The following ARHGAP24 variants were observed in gnomAD, a reference collection of about 807,000 sequenced individuals.
ARHGAP24 encodes the protein rho GTPase-activating protein 24.
ARHGAP24 carries 50 observed loss-of-function variants against 76.4 expected under a neutral mutation model. That is an observed-to-expected ratio of 0.65 (90% CI 0.52 to 0.83). The LOEUF is 0.83. Among genes scored for constraint, ARHGAP24 ranks in the 40% least tolerant of loss-of-function variants. ARHGAP24 has a pLI of 0.00. For synonymous variants in ARHGAP24, 345 were observed against 323.3 expected, an observed-to-expected ratio of 1.07 and a Z score of -0.72; for missense variants, 930 against 914.2, an observed-to-expected ratio of 1.02 and a Z score of -0.22.
chr4:85,627,779 G>A (rs1435569624), intron 2 of ARHGAP24, among the ~76,000 whole-genome samples: 1 of 152,234 alleles, frequency 6.6e-6, no homozygotes, highest in Non-Finnish European at 1.5e-5. Flanking sequence ...GGCCATGGCA[G>A]GTGCCCTTTC....
At chr4:85,924,872 T>C (rs1445186908) in intron 4 of ARHGAP24, 1 of 152,240 alleles carries the variant, frequency 6.6e-6, no homozygotes. Context: ...CTAACCAGGA[T>C]GACCATTCAT....
At chr4:85,755,713 A>G (rs1726466373) in intron 3 of ARHGAP24, among the ~76,000 whole-genome samples, 1 of 142,166 alleles carries the variant, frequency 7.0e-6, no homozygotes, top group African/African-American at 2.6e-5. Flanking sequence ...GCTCACTACA[A>G]CCTCTGCCTC....
At chr4:85,880,956 T>C (rs2148768193) in intron 3 of ARHGAP24, among the ~76,000 whole-genome samples, 1 of 152,304 alleles carries the variant, frequency 6.6e-6, no homozygotes, top group East Asian at 1.9e-4. Flanking sequence ...ACCTTTTATT[T>C]TCTTTCCTTA....
Position 85,677,322 on chromosome 4 carries a change from C to G in ARHGAP24, c.181-44563C>G, listed in dbSNP as rs202236969. On this transcript the variant is annotated intron_variant, in intron 2 of 9. Transcript: ENST00000395184. ...GCAGGCAACCCACATTTTATATGCA[C>G]ATTCAGGGGTGGGAAGGATTCAAGT... Among the ~76,000 whole-genome samples the G allele has an allele frequency of 9.8e-5, 15 of 152,316 alleles. No individual in the cohort carries two copies. In the East Asian group the frequency reaches 2.7e-3, roughly 27 times the overall value.
intron 2 of ARHGAP24, among the ~76,000 whole-genome samples, chr4:85,706,988 C>T (rs759515819): frequency 1.3e-5 from 2 of 152,116 alleles, no homozygotes; most frequent in Non-Finnish European, 2.9e-5. Flanking sequence ...TATCATAGCT[C>T]ACTGTAGCCT....
intron 2 of ARHGAP24, among the ~76,000 whole-genome samples, chr4:85,655,766 CATATATATATATATATAT>C (rs370571889): frequency 7.2e-5 from 5 of 69,048 alleles, no homozygotes; most frequent in African/African-American, 5.0e-4. Flanking sequence ...AGTGAGACTC[CATATATATATATATATAT>C]ATATATATAG....
chr4:85,946,493 C>A (rs1412788424), intron 5 of ARHGAP24, among the ~76,000 whole-genome samples: 5 of 152,138 alleles, frequency 3.3e-5, no homozygotes, highest in Non-Finnish European at 7.4e-5. Context: ...TCCCTCTCCT[C>A]TCTTGTATGC....
Position 85,926,946 on chromosome 4 carries a change from A to T in ARHGAP24, c.391+3176A>T, listed in dbSNP as rs563545025. Among the ~76,000 whole-genome samples the T allele has an allele frequency of 4.1e-4, 63 of 152,298 alleles. 1 individual carries two copies. The highest frequency in any genetic ancestry group is 7.9e-4 in the Non-Finnish European group (54 of 68,002). ...ACAATTATAAGTCCATGCCTTATTG[A>T]TCGTATATTCTTCAGTATATGAAAA... On this transcript the variant is annotated intron_variant, in intron 4 of 9. Coordinates refer to ENST00000395184, the MANE Select transcript of ARHGAP24 (RefSeq NM_001025616.3).
intron 3 of ARHGAP24, among the ~76,000 whole-genome samples, chr4:85,730,991 C>CACACAT (rs1182468264): frequency 3.5e-5 from 3 of 84,626 alleles, no homozygotes; most frequent in African/African-American, 1.2e-4. Flanking sequence ...TAACTGCACA[C>CACACAT]ACACACACAC....
intron 2 of ARHGAP24, among the ~76,000 whole-genome samples, chr4:85,649,011 A>ATGTGTG (rs3028048): frequency 8.3e-4 from 123 of 148,030 alleles, no homozygotes; most frequent in African/African-American, 3.0e-3. Context: ...ATTTGTAAAT[A>ATGTGTG]TGTGTGTGTG....
chr4:85,598,746 GT>G (rs1195616574), intron 2 of ARHGAP24, among the ~76,000 whole-genome samples: 182 of 133,154 alleles, frequency 1.4e-3, no homozygotes, highest in African/African-American at 3.2e-3. Flanking sequence ...GTTTTGTTTT[GT>G]TTTTTTTTTT....
intron 2 of ARHGAP24, among the ~76,000 whole-genome samples, chr4:85,610,350 G>C (rs768329834): frequency 1.3e-5 from 2 of 150,378 alleles, no homozygotes; most frequent in Admixed American, 1.3e-4. Flanking sequence ...AGGCTGAGGC[G>C]GGAGAATGGC....
Position 85,964,020 on chromosome 4 carries a change from G to A in ARHGAP24, c.600-8016G>A, listed in dbSNP as rs550323642. On this transcript the variant is annotated intron_variant, in intron 5 of 9. Transcript: ENST00000395184. ...GATATCAGGAAGACCAGTTAATATG[G>A]TATTGTGTTAGTGGAGGTGAGTAAT... 4.9e-4 allele frequency among the ~76,000 whole-genome samples: 74 copies of A among 152,136 alleles called. No homozygotes were observed. The South Asian group carries it at 0.015, about 30-fold the overall frequency.
At chr4:85,520,883 T>G (rs985127697) in intron 1 of ARHGAP24, among the ~76,000 whole-genome samples, 8 of 152,152 alleles carry the variant, frequency 5.3e-5, no homozygotes, top group Non-Finnish European at 1.2e-4. Context: ...TAAGAAACAC[T>G]GAGGTAGATG....
At chr4:85,520,841 A>G (rs1431521842) in intron 1 of ARHGAP24, among the ~76,000 whole-genome samples, 1 of 152,182 alleles carries the variant, frequency 6.6e-6, no homozygotes, top group Non-Finnish European at 1.5e-5. Context: ...TGATTTGACC[A>G]ATGAAGATAG....
At chr4:85,564,208 G>A (rs1223152814) in intron 1 of ARHGAP24, among the ~76,000 whole-genome samples, 2 of 152,104 alleles carry the variant, frequency 1.3e-5, no homozygotes, top group Non-Finnish European at 2.9e-5. Context: ...TTGTTCTTGC[G>A]ATAGTTTGCT....
At chr4:85,847,323 G>C (rs1405104387) in intron 3 of ARHGAP24, among the ~76,000 whole-genome samples, 2 of 151,958 alleles carry the variant, frequency 1.3e-5, no homozygotes, top group Non-Finnish European at 2.9e-5. Flanking sequence ...TAGGAATACA[G>C]CAGTGTATTA....
chr4:85,924,667 A>C (rs1735918791), intron 4 of ARHGAP24: 1 of 151,498 alleles, frequency 6.6e-6, no homozygotes, highest in South Asian at 2.1e-4. Flanking sequence ...TTCTCTGAAC[A>C]GATCGGACAC....
chr4:85,598,609 G>A (rs1404477614), intron 2 of ARHGAP24, among the ~76,000 whole-genome samples: 1 of 151,914 alleles, frequency 6.6e-6, no homozygotes, highest in African/African-American at 2.4e-5. Context: ...ATCAATAAAG[G>A]AATTGAATAG....
Sources: allele counts gnomAD v4.1 joint callset (sites outside exome capture counted in the v4.1 genomes callset), GRCh38; gene constraint gnomAD v4.1.1; transcripts MANE v1.5; gene names NCBI Gene and HGNC (gene_info 2026-07-23, HGNC 2026-07-21).